ALPK1: variants seen among roughly 807,000 people sequenced by gnomAD.
ALPK1 encodes the protein alpha kinase 1, also known as alpha-protein kinase 1.
In ALPK1, 110 loss-of-function variants were observed where a neutral mutation model predicts 120.6. The ratio of observed to expected loss-of-function variants is 0.91; its 90% CI spans 0.78 to 1.07. The LOEUF (loss-of-function observed/expected upper bound fraction) is 1.07, where lower values mean the gene tolerates loss of function less well. Ranked by LOEUF, ALPK1 falls within the 50% of genes least tolerant of loss-of-function variation. ALPK1 has a pLI of 0.00. For missense variants in ALPK1, 1,498 were observed against 1,483.9 expected (o/e 1.01, Z -0.16); for synonymous variants, 582 against 560.3 (o/e 1.04, Z -0.55).
intron 1 of ALPK1, among the ~76,000 whole-genome samples, chr4:112,307,758 A>C (rs1728172050): frequency 6.6e-6 from 1 of 152,108 alleles, no homozygotes; most frequent in Non-Finnish European, 1.5e-5. Context: ...TTTAAGGCTA[A>C]TATTGTTATG....
Position 112,430,838 on chromosome 4 carries a change from T to A in ALPK1, c.1291T>A (p.Ser431Thr). The A allele has an allele frequency of 3.1e-6, 5 of 1,614,174 alleles. No homozygotes were observed. Among genetic ancestry groups the A allele is most frequent in the Non-Finnish European group, 4.2e-6 (5 of 1,179,990 alleles). Residue 431 changes from serine to threonine, a missense_variant, in exon 11 of 16, where the codon TCT becomes ACT. Coordinates refer to ENST00000650871, the MANE Select transcript of ALPK1 (RefSeq NM_025144.4). ...VQSFSNVDDR[S>T]YVPESFECRL... ...AAGCTTCTCAAATGTAGATGACAGA[T>A]CTTATGTTCCCGAGAGTTTCGAGTG...
At chr4:112,347,713 A>G (rs549773925) in intron 2 of ALPK1, among the ~76,000 whole-genome samples, 1 of 152,372 alleles carries the variant, frequency 6.6e-6, no homozygotes, top group South Asian at 2.1e-4. Flanking sequence ...GTAAATGCTT[A>G]AATACCATTG....
At chr4:112,432,820 C>T (rs1186341277) in intron 11 of ALPK1, among the ~76,000 whole-genome samples, 1 of 152,202 alleles carries the variant, frequency 6.6e-6, no homozygotes, top group East Asian at 1.9e-4. Context: ...TCTAAGGACA[C>T]ACGAGGTAGT....
chr4:112,306,665 G>A (rs1459985020), intron 1 of ALPK1, among the ~76,000 whole-genome samples: 4 of 151,776 alleles, frequency 2.6e-5, no homozygotes, highest in African/African-American at 7.3e-5. Context: ...TCTTGCTAGT[G>A]GTCTATCAAT....
chr4:112,329,096 T>C (rs1025059023), intron 2 of ALPK1, among the ~76,000 whole-genome samples: 3 of 152,196 alleles, frequency 2.0e-5, no homozygotes, highest in African/African-American at 7.2e-5. Flanking sequence ...TGTGAAGCAC[T>C]GGCATATAGT....
intron 2 of ALPK1, chr4:112,356,586 C>T (rs898318747): frequency 2.5e-6 from 2 of 785,932 alleles, no homozygotes; most frequent in African/African-American, 3.4e-5. Flanking sequence ...GGTGAAGAAG[C>T]AGGAGAGTAA....
intron 1 of ALPK1, among the ~76,000 whole-genome samples, chr4:112,307,122 G>C (rs549397920): frequency 6.6e-6 from 1 of 152,124 alleles, no homozygotes; most frequent in Non-Finnish European, 1.5e-5. Context: ...GAGACAGTTT[G>C]TTATAATTTC....
At position 112,332,074 on chromosome 4, in the gene ALPK1, A is replaced by T. The variant is rs140045483; in HGVS notation, c.-101+16222A>T. Among the ~76,000 whole-genome samples, 498 of 145,506 alleles carry T rather than the reference A, an allele frequency of 3.4e-3. 3 individuals are homozygous for T. Among genetic ancestry groups the T allele is most frequent in the African/African-American group, 0.011 (446 of 40,914 alleles). ...TATTATTATCTTATTCAGGAGTTCC[A>T]TAGGATCAATATGGTATCCTGATTT... On this transcript the variant is annotated intron_variant, in intron 2 of 15. Coordinates refer to ENST00000650871, the MANE Select transcript of ALPK1 (RefSeq NM_025144.4).
intron 2 of ALPK1, chr4:112,352,971 C>CTTTTTTT (rs11432722): frequency 1.7e-5 from 2 of 117,632 alleles, no homozygotes; most frequent in Admixed American, 1.0e-4. Context: ...CTTTCCTTTC[C>CTTTTTTT]TTTTTTTTTT....
intron 2 of ALPK1, among the ~76,000 whole-genome samples, chr4:112,343,770 G>T (rs1560645454): frequency 4.7e-5 from 1 of 21,172 alleles, no homozygotes; most frequent in Non-Finnish European, 9.2e-5. Flanking sequence ...CCCTACCCCC[G>T]TTAATTGGCT....
chr4:112,431,521 G>A lies in ALPK1; in HGVS notation c.1974G>A (p.Leu658=). 1 of 1,614,176 alleles carries A rather than the reference G, an allele frequency of 6.2e-7. No individual in the cohort carries two copies. The highest frequency in any genetic ancestry group is 1.1e-5 in the South Asian group (1 of 91,080). ...TTCAGGAACCCAACAATGACAATTT[G>A]GAGCCTTCTCAAAATCAGCCACAGC... is the stretch of plus-strand genomic sequence containing the variant. ...LSLQEPNNDN[L]EPSQNQPQQQ... The change falls in exon 11 of 16, where the codon TTG becomes TTA. Residue 658 remains leucine (L), a synonymous_variant. Transcript: ENST00000650871.
chr4:112,357,967 C>T (rs2074387), intron 2 of ALPK1: 525,136 of 717,362 alleles, frequency 0.73, 193,220 homozygotes, highest in Middle Eastern at 0.82. Context: ...GGTCTACCGG[C>T]GCCACCTTCC....
At position 112,430,436 on chromosome 4, in the gene ALPK1, T is replaced by C; in HGVS notation, c.901-12T>C. Reference sequence around the variant, plus strand: ...ATTCAATATCTGATTTGGTATTTGGTATTTTTCCCAGAATATCCGTGGCAC... The same window carrying C: ...ATTCAATATCTGATTTGGTATTTGGCATTTTTCCCAGAATATCCGTGGCAC... On this transcript the variant is annotated splice_polypyrimidine_tract_variant and intron_variant, in intron 10 of 15. Coordinates refer to ENST00000650871, the MANE Select transcript of ALPK1 (RefSeq NM_025144.4). The C allele has an allele frequency of 3.9e-6, 6 of 1,555,264 alleles. No homozygotes were observed. The highest frequency in any genetic ancestry group is 5.2e-6 in the Non-Finnish European group (6 of 1,148,930).
chr4:112,324,742 G>T (rs1276085834), intron 2 of ALPK1, among the ~76,000 whole-genome samples: 2 of 152,074 alleles, frequency 1.3e-5, no homozygotes, highest in Non-Finnish European at 2.9e-5. Flanking sequence ...CTCCCAAAAT[G>T]TTGGAATTAC....
intron 12 of ALPK1, among the ~76,000 whole-genome samples, chr4:112,436,613 T>C (rs1204673834): frequency 6.6e-6 from 1 of 152,184 alleles, no homozygotes; most frequent in Non-Finnish European, 1.5e-5. Context: ...GTGAAGATTG[T>C]AGTTATGTTG....
At chr4:112,415,010 A>G (rs751350541) in intron 5 of ALPK1, 1 of 152,190 alleles carries the variant, frequency 6.6e-6, no homozygotes. Flanking sequence ...TGCACAGGCT[A>G]CAAAAGGAGA....
At chr4:112,337,224 G>A (rs1263749069) in intron 2 of ALPK1, among the ~76,000 whole-genome samples, 1 of 151,934 alleles carries the variant, frequency 6.6e-6, no homozygotes, top group Non-Finnish European at 1.5e-5. Flanking sequence ...AACTTCCCAA[G>A]TTTTAGTTTG....
At chr4:112,324,459 T>A (rs902040288) in intron 2 of ALPK1, among the ~76,000 whole-genome samples, 3 of 152,088 alleles carry the variant, frequency 2.0e-5, no homozygotes, top group Admixed American at 1.3e-4. Flanking sequence ...TTTGTTTGTT[T>A]GTTTGTTTGT....
chr4:112,337,967 T>G (rs1001538453), intron 2 of ALPK1, among the ~76,000 whole-genome samples: 2 of 152,158 alleles, frequency 1.3e-5, no homozygotes, highest in African/African-American at 4.8e-5. Flanking sequence ...ATAAACTATT[T>G]TATGTCATTT....
Sources: gnomAD v4.1 joint callset for allele counts (sites outside exome capture counted in the v4.1 genomes callset) on GRCh38, gnomAD v4.1.1 for gene constraint, MANE v1.5 for transcripts, NCBI Gene and HGNC (gene_info 2026-07-23, HGNC 2026-07-21) for gene names.